The following TSC22D1 variants were observed in gnomAD, a reference collection of about 807,000 sequenced individuals.
TSC22D1 encodes the protein TSC22 domain family member 1, also known as TSC22 domain family protein 1.
Under a neutral mutation model 74.2 loss-of-function variants are expected in TSC22D1, and 9 were observed. The observed-to-expected ratio is 0.12, with a 90% confidence interval of 0.07 to 0.21. The LOEUF (loss-of-function observed/expected upper bound fraction) is 0.21, where lower values mean the gene tolerates loss of function less well. Ranked by LOEUF, TSC22D1 falls within the 10% of genes least tolerant of loss-of-function variation. TSC22D1 has a pLI of 1.00. For missense variants in TSC22D1, 1,427 were observed against 1,304.7 expected (o/e 1.09, Z -1.44); for synonymous variants, 586 against 492.5 (o/e 1.19, Z -2.51).
intron 1 of TSC22D1, chr13:44,536,926 GAAAAAAAAAAAAAAAAAAAA>G (rs10596156): frequency 1.2e-5 from 6 of 495,238 alleles, no homozygotes; most frequent in Admixed American, 2.0e-4. Context: ...GTATTTTTCT[GAAAAAAAAAAAAAAAAAAAA>G]AAAAAAAAAA....
chr13:44,557,872 T>C (rs1313856794), intron 1 of TSC22D1, among the ~76,000 whole-genome samples: 1 of 152,218 alleles, frequency 6.6e-6, no homozygotes, highest in Non-Finnish European at 1.5e-5. Context: ...GGTGTCTCCA[T>C]ATTCACTTAT....
chr13:44,439,154 C>A (rs1469297065), intron 1 of TSC22D1, among the ~76,000 whole-genome samples: 1 of 152,134 alleles, frequency 6.6e-6, no homozygotes, highest in South Asian at 2.1e-4. Context: ...TCTATTTAAC[C>A]CATTTTCCTA....
At position 44,433,939 on chromosome 13, in the gene TSC22D1, G is replaced by C. The variant is rs1469826879; in HGVS notation, c.*687C>G. 88 of 1,502,482 alleles carry C rather than the reference G, an allele frequency of 5.9e-5. 1 individual carries two copies. The Admixed American group carries it at 1.8e-3, about 30-fold the overall frequency. 93.1% of individuals were successfully genotyped at this position (1,502,482 alleles called of 1,614,324 possible). ...CTGTACAACCTAAATAGTAGTTACAGTCCTCTATTGTACAAAATAGTTACA... is the reference window on the plus strand; with the variant it reads ...CTGTACAACCTAAATAGTAGTTACACTCCTCTATTGTACAAAATAGTTACA... On this transcript the variant is annotated 3_prime_UTR_variant, in exon 3 of 3. Coordinates refer to ENST00000458659, the MANE Select transcript of TSC22D1 (RefSeq NM_183422.4).
intron 1 of TSC22D1, among the ~76,000 whole-genome samples, chr13:44,517,332 A>AC (rs1880040059): frequency 8.4e-6 from 1 of 119,188 alleles, no homozygotes; most frequent in African/African-American, 3.0e-5. Context: ...AACAAAAACA[A>AC]AACACACACA....
intron 1 of TSC22D1, among the ~76,000 whole-genome samples, chr13:44,566,948 T>C (rs1337221552): frequency 6.6e-6 from 1 of 152,024 alleles, no homozygotes; most frequent in Non-Finnish European, 1.5e-5. Context: ...GTGCTAAAAT[T>C]AAAAAGATTG....
At chr13:44,477,969 A>G (rs1878001490) in intron 1 of TSC22D1, among the ~76,000 whole-genome samples, 1 of 152,118 alleles carries the variant, frequency 6.6e-6, no homozygotes, top group Admixed American at 6.6e-5. Flanking sequence ...CCATTCCTTA[A>G]GAGACAGAAG....
At chr13:44,516,555 G>A (rs1190657444) in intron 1 of TSC22D1, among the ~76,000 whole-genome samples, 1 of 152,016 alleles carries the variant, frequency 6.6e-6, no homozygotes, top group Non-Finnish European at 1.5e-5. Context: ...ACCAGTGACT[G>A]CATTATACCA....
chr13:44,500,771 A>T (rs1879189969), intron 1 of TSC22D1, among the ~76,000 whole-genome samples: 1 of 152,088 alleles, frequency 6.6e-6, no homozygotes, highest in African/African-American at 2.4e-5. Flanking sequence ...TGCAGCCTCA[A>T]ATTCCTGGGT....
At chr13:44,525,830 G>A (rs1461780214) in intron 1 of TSC22D1, among the ~76,000 whole-genome samples, 1 of 150,798 alleles carries the variant, frequency 6.6e-6, no homozygotes, top group African/African-American at 2.4e-5. Flanking sequence ...GCCAGGCTCA[G>A]TGGTTCACAC....
upstream of TSC22D1, chr13:44,576,336 C>T (rs1595187510): frequency 2.5e-5 from 12 of 483,162 alleles, no homozygotes; most frequent in East Asian, 3.0e-4. Context: ...ACTTTCCCCT[C>T]TAGCCTCACA....
Position 44,537,793 on chromosome 13 carries a change from TA to T in TSC22D1, c.2912+35369del. The T allele has an allele frequency of 6.1e-6, 6 of 983,642 alleles. No individual in the cohort carries two copies. The South Asian group carries it at 2.8e-4, about 46-fold the overall frequency. 60.9% of individuals were successfully genotyped at this position (983,642 alleles called of 1,614,324 possible). On this transcript the variant is annotated intron_variant, in intron 1 of 2. Transcript: ENST00000458659. ...TTATTTATAATTAATGAGAAAAAAATACAGATAGCCAAGAAAGACTAAGTGC... is the reference window on the plus strand; with the variant it reads ...TTATTTATAATTAATGAGAAAAAAATCAGATAGCCAAGAAAGACTAAGTGC...
At chr13:44,455,590 TG>T (rs984281948) in intron 1 of TSC22D1, among the ~76,000 whole-genome samples, 5 of 152,250 alleles carry the variant, frequency 3.3e-5, no homozygotes, top group African/African-American at 1.2e-4. Context: ...TTTCCCTGTC[TG>T]GAAGTACAAA....
intron 1 of TSC22D1, among the ~76,000 whole-genome samples, chr13:44,444,012 C>T (rs1203845870): frequency 3.3e-5 from 5 of 151,888 alleles, no homozygotes; most frequent in South Asian, 4.2e-4. Flanking sequence ...TTAGGCTGGG[C>T]GTGGTGGCTC....
At position 44,483,734 on chromosome 13, in the gene TSC22D1, G is replaced by T. The variant is rs189821548; in HGVS notation, c.2913-47639C>A. On this transcript the variant is annotated intron_variant, in intron 1 of 2. Coordinates refer to ENST00000458659, the MANE Select transcript of TSC22D1 (RefSeq NM_183422.4). ...AATTGGCTGACCCTGAACATAGACA[G>T]GATATTATTTGAATAGCTTAAAACG... Among the ~76,000 whole-genome samples the T allele has an allele frequency of 1.7e-4, 26 of 151,666 alleles. No individual in the cohort carries two copies. In the East Asian group the frequency reaches 5.0e-3, roughly 29 times the overall value.
At chr13:44,541,737 T>C (rs1223359654) in intron 1 of TSC22D1, among the ~76,000 whole-genome samples, 3 of 152,116 alleles carry the variant, frequency 2.0e-5, no homozygotes, top group Non-Finnish European at 4.4e-5. Flanking sequence ...TCTTAACAAA[T>C]GCAATCTAAT....
rs997146316 is a variant in TSC22D1 at position 44,573,728 on chromosome 13, T to C, written c.2347A>G (p.Ser783Gly). 13 of 1,614,116 alleles carry C rather than the reference T, an allele frequency of 8.1e-6. No homozygotes were observed. In the African/African-American group the frequency reaches 9.3e-5, roughly 12 times the overall value. Residue 783 changes from serine to glycine, a missense_variant, in exon 1 of 3, where the codon AGC (serine) becomes GGC (glycine). Physicochemically the swap from Ser to Gly is moderately conservative, Grantham distance 56 (BLOSUM62 0). This residue lies in a region of TSC22D1 where 1,343 missense variants were observed against 1,191.5 expected (regional missense o/e 1.13). Transcript: ENST00000458659. ...GCAATAACCAATTGTTGAGGAAGGC[T>C]TGGAGCACTAGTTTGAACTCCCTGA... ...IHQGVQTSAP[S>G]LPQQLVIASQ...
intron 1 of TSC22D1, among the ~76,000 whole-genome samples, chr13:44,482,235 T>C (rs989730703): frequency 6.6e-6 from 1 of 152,172 alleles, no homozygotes; most frequent in Non-Finnish European, 1.5e-5. Flanking sequence ...GGTGAAGAGA[T>C]TGAGCTTTAG....
At chr13:44,459,218 A>C (rs906841235) in intron 1 of TSC22D1, among the ~76,000 whole-genome samples, 1 of 152,172 alleles carries the variant, frequency 6.6e-6, no homozygotes, top group Admixed American at 6.5e-5. Flanking sequence ...CGGTTGCAGG[A>C]AGGAGCGACC....
At chr13:44,489,274 T>C (rs1439763486) in intron 1 of TSC22D1, among the ~76,000 whole-genome samples, 1 of 149,552 alleles carries the variant, frequency 6.7e-6, no homozygotes, top group Non-Finnish European at 1.5e-5. Context: ...TCCTAGAAGA[T>C]AAATAGGAGA....
Sources: allele counts gnomAD v4.1 joint callset (sites outside exome capture counted in the v4.1 genomes callset), GRCh38; gene constraint gnomAD v4.1.1; regional missense constraint gnomAD v4.1.1; transcripts MANE v1.5; gene names NCBI Gene and HGNC (gene_info 2026-07-23, HGNC 2026-07-21).